The following KIR2DL4 variants were observed in gnomAD, a reference collection of about 807,000 sequenced individuals.
KIR2DL4 encodes the protein killer cell immunoglobulin like receptor, two Ig domains and long cytoplasmic tail 4, also known as killer cell immunoglobulin-like receptor 2DL4.
A neutral mutation model predicts 31.0 loss-of-function variants in KIR2DL4; 41 were observed. The observed-to-expected ratio is 1.32, with a 90% CI of 1.03 to 1.72. KIR2DL4 has a LOEUF of 1.72. Ranked by LOEUF, KIR2DL4 falls within the 40% of genes most tolerant of loss-of-function variation. The pLI is 0.00. For missense variants in KIR2DL4, 438 were observed against 353.7 expected (o/e 1.24, Z -1.91); for synonymous variants, 164 against 133.6 (o/e 1.23, Z -1.57).
In KIR2DL4 at chr19:54,804,916, G is replaced by T. The variant is rs1025255569; in HGVS notation, c.200G>T (p.Gly67Val). ...ATCTTCACGCTGTACAAGAAAGATG[G>T]GGTCCCTGTCCCTGAGCTCTACAAC... The change falls in exon 3 of 8, where the codon GGG becomes GTG. Residue 67 changes from glycine (G) to valine (V), a missense_variant. Transcript: ENST00000359085. 5.1e-5 allele frequency: 83 copies of T among 1,612,284 alleles called. 2 individuals carry two copies. In the East Asian group the frequency reaches 1.2e-3, roughly 24 times the overall value.
At chr19:54,812,321 T>C (rs2060910780) in intron 5 of KIR2DL4, among the ~76,000 whole-genome samples, 1 of 151,236 alleles carries the variant, frequency 6.6e-6, no homozygotes. Flanking sequence ...ATGGAGTCAC[T>C]TCATGTGCAC....
chr19:54,807,406 C>T (rs1373016424), intron 4 of KIR2DL4, among the ~76,000 whole-genome samples: 53 of 151,646 alleles, frequency 3.5e-4, no homozygotes, highest in Non-Finnish European at 6.6e-4. Flanking sequence ...ATTGCTAGAT[C>T]CTCTGGATGT....
chr19:54,809,105 A>G (rs1206475785), intron 5 of KIR2DL4, among the ~76,000 whole-genome samples: 1 of 151,198 alleles, frequency 6.6e-6, no homozygotes, highest in Non-Finnish European at 1.5e-5. Context: ...CTCAGGGTAG[A>G]AGGATGAGTG....
chr19:54,812,041 A>G (rs1246090365), intron 5 of KIR2DL4, among the ~76,000 whole-genome samples: 3 of 151,270 alleles, frequency 2.0e-5, no homozygotes, highest in African/African-American at 7.3e-5. Flanking sequence ...TGTTTGAGTC[A>G]AGAGGGTTGT....
chr19:54,814,047 G>C (rs774907409), exon 8 of KIR2DL4: 2 of 1,612,080 alleles, frequency 1.2e-6, no homozygotes, highest in Non-Finnish European at 1.7e-6. Context: ...GGATCTTCTA[G>C]GGAGACAACA....
intron 4 of KIR2DL4, among the ~76,000 whole-genome samples, chr19:54,808,547 A>G (rs1342816407): frequency 2.7e-5 from 4 of 149,158 alleles, no homozygotes; most frequent in African/African-American, 5.0e-5. Flanking sequence ...ATTCTGCTCC[A>G]TTGTTTTATG....
intron 2 of KIR2DL4, 45 bp from the exon 3 acceptor site, chr19:54,804,748 A>C: frequency 6.3e-7 from 1 of 1,575,424 alleles, no homozygotes. Flanking sequence ...AGGGAGGGGC[A>C]GCTCAACATA....
At chr19:54,812,721 G>C (rs1424241890) in intron 5 of KIR2DL4, among the ~76,000 whole-genome samples, 2 of 148,762 alleles carry the variant, frequency 1.3e-5, no homozygotes, top group Non-Finnish European at 3.0e-5. Context: ...GGGTGTGATG[G>C]AGCTTCCAAG....
chr19:54,813,408 GC>G, intron 6 of KIR2DL4: 2 of 856,768 alleles, frequency 2.3e-6, no homozygotes, highest in Non-Finnish European at 3.5e-6. Context: ...ACAGACCGTT[GC>G]CTGATTGTGA....
chr19:54,808,746 G>T, intron 4 of KIR2DL4, 87 bp from the exon 5 acceptor site: 2 of 990,938 alleles, frequency 2.0e-6, no homozygotes, highest in Admixed American at 1.7e-5. Flanking sequence ...ATAATAGAAT[G>T]TTGGCCATGA....
At position 54,809,101 on chromosome 19, in the gene KIR2DL4, G is replaced by A. The variant is rs991784896; in HGVS notation, c.706+218G>A. On this transcript the variant is annotated intron_variant, in intron 5 of 7. Coordinates refer to ENST00000359085, the Ensembl canonical transcript of KIR2DL4. ...AATTTTCTGCTGCTGAGACCTCAGG[G>A]TAGAAGGATGAGTGCAAATCAGACA... Among the ~76,000 whole-genome samples the A allele has an allele frequency of 2.0e-4, 30 of 151,166 alleles. 3 individuals carry two copies. The highest frequency in any genetic ancestry group is 7.4e-4 in the African/African-American group (30 of 40,816).
At chr19:54,805,443 C>T (rs1388536542) in intron 3 of KIR2DL4, among the ~76,000 whole-genome samples, 1 of 150,344 alleles carries the variant, frequency 6.7e-6, no homozygotes, top group South Asian at 2.1e-4. Flanking sequence ...AGAGCAGCAT[C>T]GTGGGATACT....
intron 5 of KIR2DL4, among the ~76,000 whole-genome samples, chr19:54,811,650 C>G (rs909193318): frequency 6.6e-6 from 1 of 151,272 alleles, no homozygotes; most frequent in Non-Finnish European, 1.5e-5. Context: ...CAAAACTTGC[C>G]CCTTCACCCA....
exon 8 of KIR2DL4, chr19:54,813,939 A>G: frequency 6.2e-7 from 1 of 1,612,420 alleles, no homozygotes; most frequent in East Asian, 2.2e-5. Context: ...CAGAGGAGCA[A>G]GAGACCCTCA....
At chr19:54,810,357 C>T (rs1288824590) in intron 5 of KIR2DL4, among the ~76,000 whole-genome samples, 5 of 151,036 alleles carry the variant, frequency 3.3e-5, no homozygotes, top group African/African-American at 1.2e-4. Flanking sequence ...AAACTCCCAA[C>T]CTTAAGGGAT....
chr19:54,813,166 G>A (rs2060972073), exon 6 of KIR2DL4: 2 of 1,533,644 alleles, frequency 1.3e-6, no homozygotes, highest in Non-Finnish European at 1.8e-6. Context: ...GTACTCAGTG[G>A]CCATCATCCT....
chr19:54,804,788 C>T lies in KIR2DL4; in HGVS notation c.77-5C>T. 6.2e-7 allele frequency: 1 copy of T among 1,611,052 alleles called. No homozygotes were observed. Among genetic ancestry groups the T allele is most frequent in the Non-Finnish European group, 8.5e-7 (1 of 1,179,134 alleles). ...TCTCTGAGGCGGCATCTCCTTCTCC[C>T]CAAGGTGGTCAGGACAAGCCCTTCT... On this transcript the variant is annotated splice_region_variant and splice_polypyrimidine_tract_variant and intron_variant, in intron 2 of 7. Transcript: ENST00000359085.
At chr19:54,814,136 A>C in exon 8 of KIR2DL4, 2 of 1,605,658 alleles carry the variant, frequency 1.2e-6, no homozygotes, top group Non-Finnish European at 1.7e-6. Flanking sequence ...ATCTTAGAGC[A>C]TCACTCTTCC....
At chr19:54,809,674 T>C (rs1452659524) in intron 5 of KIR2DL4, among the ~76,000 whole-genome samples, 1 of 151,286 alleles carries the variant, frequency 6.6e-6, no homozygotes, top group African/African-American at 2.4e-5. Flanking sequence ...CAAAGGCTGG[T>C]CACGCCTCTC....
Sources: gnomAD v4.1 joint callset for allele counts (sites outside exome capture counted in the v4.1 genomes callset) on GRCh38, gnomAD v4.1.1 for gene constraint, MANE v1.5 for transcripts, NCBI Gene and HGNC (gene_info 2026-07-23, HGNC 2026-07-21) for gene names.